The following ZNF718 variants were observed in gnomAD, a reference collection of about 807,000 sequenced individuals.
The protein encoded by ZNF718 is zinc finger protein 718.
ZNF718 carries 3 observed loss-of-function variants against 2.6 expected under a neutral mutation model. The ratio of observed to expected loss-of-function variants is 1.16; its 90% CI spans 0.53 to 3.01. The LOEUF is 3.01. Ranked by LOEUF, ZNF718 falls within the 30% of genes most tolerant of loss-of-function variation. ZNF718 has a pLI of 0.03. For missense variants in ZNF718, 468 were observed against 230.0 expected (o/e 2.03, Z -6.69); for synonymous variants, 135 against 77.9 (o/e 1.73, Z -3.86).
chr4:132,099 T>C lies in ZNF718; in HGVS notation c.226+594T>C, dbSNP rs1311912144. 5.3e-5 allele frequency among the ~76,000 whole-genome samples: 4 copies of C among 76,150 alleles called. 1 individual carries two copies. Among genetic ancestry groups the C allele is most frequent in the Non-Finnish European group, 8.0e-5 (3 of 37,604 alleles). The allele number at this position is 76,150 out of a possible 152,430, so 50.0% of individuals were successfully genotyped here. ...TTGCGGTCGGCTGAGATCGTGCCACTGCACTCCAGCCTGGGCGACAGAGCG... is the reference window on the plus strand; with the variant it reads ...TTGCGGTCGGCTGAGATCGTGCCACCGCACTCCAGCCTGGGCGACAGAGCG... On this transcript the variant is annotated intron_variant, in intron 3 of 3. Transcript: ENST00000510175.
At chr4:142,407 CCAGT>C (rs1343631103) in intron 3 of ZNF718, among the ~76,000 whole-genome samples, 1 of 152,198 alleles carries the variant, frequency 6.6e-6, no homozygotes, top group South Asian at 2.1e-4. Flanking sequence ...AGATGAAAGC[CCAGT>C]CAGTGTAAGT....
chr4:133,196 ATAT>A (rs1213892542), intron 3 of ZNF718, among the ~76,000 whole-genome samples: 242 of 16,468 alleles, frequency 0.015, 12 homozygotes, highest in African/African-American at 0.072. Context: ...AAAAAAAAAA[ATAT>A]ATATATATAT....
chr4:182,888 G>A (rs1441144298), intron 3 of ZNF718, among the ~76,000 whole-genome samples: 1 of 152,070 alleles, frequency 6.6e-6, no homozygotes, highest in Non-Finnish European at 1.5e-5. Flanking sequence ...GCTTTTTATA[G>A]GTGCTGGATA....
rs548959454 is a variant in ZNF718, at chr4:190,064, C to T, written c.227-11017C>T. 2.8e-4 allele frequency among the ~76,000 whole-genome samples: 42 copies of T among 152,224 alleles called. No individual in the cohort carries two copies. The South Asian group carries it at 8.3e-3, about 30-fold the overall frequency. On this transcript the variant is annotated intron_variant and NMD_transcript_variant, in intron 3 of 4. Transcript: ENST00000642529. ...TTTATATAGGATTTTGGTCCACAGT[C>T]TTCTTTATTTGTGATCCTTTTGTCT...
intron 3 of ZNF718, among the ~76,000 whole-genome samples, chr4:156,529 A>G (rs1433365582): frequency 6.6e-6 from 1 of 152,086 alleles, no homozygotes; most frequent in Non-Finnish European, 1.5e-5. Context: ...AATATTTTTA[A>G]TACTCAGTCA....
At position 139,161 on chromosome 4, in the gene ZNF718, C is replaced by T. The variant is rs115061168; in HGVS notation, c.226+7656C>T. On this transcript the variant is annotated intron_variant, in intron 3 of 3. Transcript: ENST00000510175. ...CATTTGTTCATTTTTGCGTTGGCTG[C>T]CTGTGCTTGTGGGGTATTACTCAAG... is the stretch of plus-strand genomic sequence containing the variant. 4.9e-3 allele frequency among the ~76,000 whole-genome samples: 740 copies of T among 152,214 alleles called. 2 individuals carry two copies. The highest frequency in any genetic ancestry group is 0.016 in the African/African-American group (671 of 41,536).
intron 3 of ZNF718, among the ~76,000 whole-genome samples, chr4:171,317 CTGTT>C (rs1481164975): frequency 6.6e-6 from 1 of 152,174 alleles, no homozygotes; most frequent in Non-Finnish European, 1.5e-5. Flanking sequence ...GGCACTCTGT[CTGTT>C]CTCAGATGTC....
At position 133,195 on chromosome 4, in the gene ZNF718, A is replaced by AAAAAAACATAT. The variant is rs1258303094; in HGVS notation, c.226+1691_226+1692insAAAAACATATA. Among the ~76,000 whole-genome samples the AAAAAAACATAT allele has an allele frequency of 4.3e-4, 9 of 20,778 alleles. 2 individuals are homozygous for AAAAAAACATAT. Among genetic ancestry groups the AAAAAAACATAT allele is most frequent in the African/African-American group, 1.5e-3 (9 of 5,964 alleles). The allele number at this position is 20,778 out of a possible 152,430, so 13.6% of individuals were successfully genotyped here. A position where few individuals can be genotyped will look rare whatever the true frequency, so the allele number is the denominator to read the frequency against. On this transcript the variant is annotated intron_variant, in intron 3 of 3. Coordinates refer to ENST00000510175, the MANE Select transcript of ZNF718 (RefSeq NM_001039127.6). ...TCCATCTTAAAAAAAAAAAAAAAAA[A>AAAAAAACATAT]ATATATATATATATATATATATATA...
At chr4:153,566 T>TTTTTCAG (rs1278165941) in intron 3 of ZNF718, among the ~76,000 whole-genome samples, 1 of 151,668 alleles carries the variant, frequency 6.6e-6, no homozygotes, top group East Asian at 1.9e-4. Context: ...CAGTTTTTCA[T>TTTTTCAG]ATTTTTATCA....
chr4:138,151 C>T (rs1553809680), intron 3 of ZNF718, among the ~76,000 whole-genome samples: 2 of 152,172 alleles, frequency 1.3e-5, no homozygotes, highest in African/African-American at 2.4e-5. Context: ...AACCTAACTA[C>T]ATTCTTTTAG....
At chr4:175,251 G>A (rs1415615849) in intron 3 of ZNF718, among the ~76,000 whole-genome samples, 1 of 152,172 alleles carries the variant, frequency 6.6e-6, no homozygotes, top group Non-Finnish European at 1.5e-5. Flanking sequence ...AATCTGGAGA[G>A]ATGGGTCTTT....
intron 3 of ZNF718, among the ~76,000 whole-genome samples, chr4:199,170 T>G (rs782078716): frequency 2.0e-5 from 3 of 152,212 alleles, no homozygotes; most frequent in African/African-American, 7.2e-5. Context: ...CTACTGTGCT[T>G]CATTTTCCTC....
At chr4:138,245 A>G (rs1363458840) in intron 3 of ZNF718, among the ~76,000 whole-genome samples, 2 of 152,062 alleles carry the variant, frequency 1.3e-5, no homozygotes, top group African/African-American at 4.8e-5. Context: ...CTTTCTAATT[A>G]TTTTTCTACC....
At chr4:190,997 C>T (rs1717682218) in intron 3 of ZNF718, among the ~76,000 whole-genome samples, 1 of 151,858 alleles carries the variant, frequency 6.6e-6, no homozygotes, top group Non-Finnish European at 1.5e-5. Context: ...TGAGATCGTG[C>T]CACTGCACTC....
chr4:124,844 C>A, intron 1 of ZNF718, 171 bp downstream of exon 1: 1 of 818,158 alleles, frequency 1.2e-6, no homozygotes, highest in Non-Finnish European at 1.9e-6. Flanking sequence ...CGGCTCTGGC[C>A]CAGCCTGCAG....
chr4:133,426 G>C (rs1270951443), intron 3 of ZNF718, among the ~76,000 whole-genome samples: 2 of 151,886 alleles, frequency 1.3e-5, no homozygotes, highest in African/African-American at 4.8e-5. Context: ...TAAGTGTATA[G>C]TAAGCTCTCA....
At position 178,141 on chromosome 4, in the gene ZNF718, A is replaced by ATT. The variant is rs5855670; in HGVS notation, c.227-22926_227-22925dup. Among the ~76,000 whole-genome samples the ATT allele has an allele frequency of 2.6e-3, 374 of 143,222 alleles. 3 individuals carry two copies. Among genetic ancestry groups the ATT allele is most frequent in the Non-Finnish European group, 3.3e-3 (218 of 65,186 alleles). 94.0% of individuals were successfully genotyped at this position (143,222 alleles called of 152,430 possible). A position where few individuals can be genotyped will look rare whatever the true frequency, so the allele number is the denominator to read the frequency against. ...GATTGCTGGATTGTATGATAATTTC[A>ATT]TTTTTTTTTTTTTTTGAGACAAGAT... is the stretch of plus-strand genomic sequence containing the variant. On this transcript the variant is annotated intron_variant and NMD_transcript_variant, in intron 3 of 4. Coordinates refer to the ZNF718 transcript ENST00000642529.
intron 3 of ZNF718, among the ~76,000 whole-genome samples, chr4:143,048 A>T (rs536734999): frequency 6.6e-6 from 1 of 152,326 alleles, no homozygotes; most frequent in South Asian, 2.1e-4. Context: ...ACAGAAGCTA[A>T]AAGAAACGTG....
intron 3 of ZNF718, among the ~76,000 whole-genome samples, chr4:171,499 G>A (rs79494355): frequency 6.6e-6 from 1 of 152,052 alleles, no homozygotes. Flanking sequence ...CACCGAGTTC[G>A]AGTTTCCTGG....
Sources: allele counts gnomAD v4.1 joint callset (sites outside exome capture counted in the v4.1 genomes callset), GRCh38; gene constraint gnomAD v4.1.1; transcripts MANE v1.5; gene names NCBI Gene and HGNC (gene_info 2026-07-23, HGNC 2026-07-21).